Variants in XRCC4 observed in about 807,000 individuals in gnomAD.
XRCC4 encodes the protein DNA repair protein XRCC4.
In XRCC4, 28 loss-of-function variants were observed where a neutral mutation model predicts 39.1. The observed-to-expected ratio is 0.72, with a 90% CI of 0.53 to 0.98. The LOEUF is 0.98. Ranked by LOEUF, XRCC4 falls within the 50% of genes least tolerant of loss-of-function variation. The pLI, the probability that XRCC4 is intolerant of heterozygous loss-of-function variation, is 0.00. For synonymous variants in XRCC4, 123 were observed against 126.4 expected, an observed-to-expected ratio of 0.97 and a Z score of 0.18; for missense variants, 350 against 376.4, an observed-to-expected ratio of 0.93 and a Z score of 0.58.
intron 3 of XRCC4, among the ~76,000 whole-genome samples, chr5:83,141,211 A>G (rs561758357): frequency 5.3e-5 from 8 of 152,294 alleles, no homozygotes; most frequent in African/African-American, 1.4e-4. Context: ...CAACCCTCCA[A>G]TGTATGGGTA....
At chr5:83,124,892 T>G (rs28745321) in intron 3 of XRCC4, among the ~76,000 whole-genome samples, 9,551 of 152,254 alleles carry the variant, frequency 0.063, 496 homozygotes, top group African/African-American at 0.14. Flanking sequence ...GTATGGTAAG[T>G]ATGTGTTTAA....
At chr5:83,280,053 G>A (rs917864204) in intron 7 of XRCC4, 3 of 204,078 alleles carry the variant, frequency 1.5e-5, no homozygotes, top group Admixed American at 6.1e-5. Context: ...AGCTGAGAGT[G>A]TAGAAGAGAT....
At chr5:83,249,197 G>A (rs2112869131) in intron 6 of XRCC4, among the ~76,000 whole-genome samples, 1 of 152,096 alleles carries the variant, frequency 6.6e-6, no homozygotes, top group East Asian at 1.9e-4. Flanking sequence ...TAGTTATCGA[G>A]ACAATGACTA....
At chr5:83,362,294 C>CAAAAAAA in the XRCC4 span, among the ~76,000 whole-genome samples, 277 of 73,162 alleles carry the variant, frequency 3.8e-3, 12 homozygotes, top group East Asian at 0.01. Context: ...GCTATTTAGG[C>CAAAAAAA]AAAAAAAAAA....
intron 7 of XRCC4, among the ~76,000 whole-genome samples, chr5:83,325,351 G>T (rs1278566005): frequency 6.6e-6 from 1 of 151,902 alleles, no homozygotes; most frequent in African/African-American, 2.4e-5. Context: ...GGACATGCAG[G>T]TTTGATACAT....
At chr5:83,174,998 T>C (rs569347559) in intron 3 of XRCC4, among the ~76,000 whole-genome samples, 2 of 152,352 alleles carry the variant, frequency 1.3e-5, no homozygotes, top group South Asian at 2.1e-4. Flanking sequence ...TAATGTAGAC[T>C]GCCTTGTTCA....
chr5:83,336,603 G>A (rs1439107517), intron 7 of XRCC4, among the ~76,000 whole-genome samples: 1 of 152,052 alleles, frequency 6.6e-6, no homozygotes, highest in Non-Finnish European at 1.5e-5. Context: ...TTTCTCAATA[G>A]CCAGATATAA....
intron 7 of XRCC4, among the ~76,000 whole-genome samples, chr5:83,332,722 A>G (rs1330086340): frequency 6.6e-6 from 1 of 152,206 alleles, no homozygotes; most frequent in Non-Finnish European, 1.5e-5. Flanking sequence ...TGTGTGATAT[A>G]TGAGATTTTA....
chr5:83,107,935 A>C (rs566243342), intron 2 of XRCC4, among the ~76,000 whole-genome samples: 2 of 152,040 alleles, frequency 1.3e-5, no homozygotes, highest in East Asian at 3.9e-4. Context: ...TCTGAGCTCC[A>C]GTACAAGCTT....
At chr5:83,085,987 G>A (rs28383131) in intron 1 of XRCC4, among the ~76,000 whole-genome samples, 5 of 152,142 alleles carry the variant, frequency 3.3e-5, no homozygotes, top group Admixed American at 2.0e-4. Flanking sequence ...ATTGTTTTGC[G>A]GACTTCTAGA....
intron 7 of XRCC4, among the ~76,000 whole-genome samples, chr5:83,325,655 A>T (rs1156440827): frequency 3.3e-5 from 5 of 152,008 alleles, no homozygotes; most frequent in Admixed American, 3.3e-4. Context: ...CTTTTTTGCG[A>T]CTGCATAGTA....
chr5:83,220,167 AT>A (rs1752026411), intron 6 of XRCC4, among the ~76,000 whole-genome samples: 1 of 152,144 alleles, frequency 6.6e-6, no homozygotes, highest in African/African-American at 2.4e-5. Flanking sequence ...TTGATTAATT[AT>A]AGTAAAACTG....
chr5:83,105,817 A>G (rs914379434), intron 2 of XRCC4, among the ~76,000 whole-genome samples: 2 of 152,094 alleles, frequency 1.3e-5, no homozygotes, highest in Non-Finnish European at 2.9e-5. Flanking sequence ...GATAATTTTT[A>G]CATGTTAATT....
chr5:83,237,308 C>T (rs901105899), intron 6 of XRCC4, among the ~76,000 whole-genome samples: 2 of 152,048 alleles, frequency 1.3e-5, no homozygotes, highest in Non-Finnish European at 2.9e-5. Context: ...TATATCCAAC[C>T]TAAGTGTCCA....
At chr5:83,126,638 A>G (rs1452096775) in intron 3 of XRCC4, among the ~76,000 whole-genome samples, 1 of 152,150 alleles carries the variant, frequency 6.6e-6, no homozygotes, top group Non-Finnish European at 1.5e-5. Context: ...CACTACTGCA[A>G]TGCCTGGTAG....
At chr5:83,349,906 A>AC (rs1480942836) in intron 7 of XRCC4, among the ~76,000 whole-genome samples, 1 of 151,654 alleles carries the variant, frequency 6.6e-6, no homozygotes, top group African/African-American at 2.4e-5. Context: ...TCAACCCATG[A>AC]CCCCTCCTTC....
intron 7 of XRCC4, among the ~76,000 whole-genome samples, chr5:83,320,188 C>A: frequency 8.2e-6 from 1 of 121,762 alleles, no homozygotes; most frequent in Admixed American, 9.2e-5. Flanking sequence ...AGGGGAATAT[C>A]ACACTCTGGG....
chr5:83,131,635 G>A (rs1281321788), intron 3 of XRCC4, among the ~76,000 whole-genome samples: 1 of 152,018 alleles, frequency 6.6e-6, no homozygotes, highest in Non-Finnish European at 1.5e-5. Context: ...TTATGTAATG[G>A]CCTTCTTTGT....
chr5:83,232,005 T>C (rs768530507), intron 6 of XRCC4, among the ~76,000 whole-genome samples: 2 of 152,076 alleles, frequency 1.3e-5, no homozygotes, highest in African/African-American at 2.4e-5. Flanking sequence ...ATACACTCCC[T>C]TGATCTCAGG....
Sources: gnomAD v4.1 joint callset for allele counts (sites outside exome capture counted in the v4.1 genomes callset) on GRCh38, gnomAD v4.1.1 for gene constraint, MANE v1.5 for transcripts, NCBI Gene and HGNC (gene_info 2026-07-23, HGNC 2026-07-21) for gene names.